KIAA1549: variants seen among roughly 807,000 people sequenced by gnomAD.
The protein encoded by KIAA1549 is UPF0606 protein KIAA1549.
A neutral mutation model predicts 156.4 loss-of-function variants in KIAA1549; 70 were observed. The observed-to-expected ratio is 0.45, with a 90% CI of 0.37 to 0.55. The LOEUF is 0.55. Among genes scored for constraint, KIAA1549 ranks in the 20% least tolerant of loss-of-function variants. The pLI, the probability that KIAA1549 is intolerant of heterozygous loss-of-function variation, is 0.00. For missense variants in KIAA1549, 2,428 were observed against 2,540.9 expected (o/e 0.96, Z 0.96); for synonymous variants, 1,103 against 1,066.4 (o/e 1.03, Z -0.67).
chr7:138,881,195 C>G (rs970689385), intron 11 of KIAA1549, among the ~76,000 whole-genome samples, 193 bp downstream of exon 11: 2 of 152,120 alleles, frequency 1.3e-5, no homozygotes, highest in Non-Finnish European at 2.9e-5. Flanking sequence ...ATCACACAGC[C>G]TTCTTTGGCA....
intron 8 of KIAA1549, among the ~76,000 whole-genome samples, chr7:138,900,976 T>C (rs539980429): frequency 6.6e-6 from 1 of 152,350 alleles, no homozygotes; most frequent in African/African-American, 2.4e-5. Context: ...CCAGGCAGAA[T>C]GTAAGCCAAG....
In KIAA1549 at chr7:138,905,039, G is replaced by T; in HGVS notation, c.3503C>A (p.Ser1168Tyr). The T allele has an allele frequency of 1.3e-6, 2 of 1,575,436 alleles. No individual in the cohort carries two copies. ...AAACATACCTGTTCTGACCCAAGAGGACTTCAGCAACTGAGATAAGTTGAG... is the reference window on the plus strand; with the variant it reads ...AAACATACCTGTTCTGACCCAAGAGTACTTCAGCAACTGAGATAAGTTGAG... Reference protein sequence around the residue: ...PQLNLSQLLKSSWVRTVLLGV... With the variant: ...PQLNLSQLLKYSWVRTVLLGV... The change falls in exon 7 of 20, where the codon TCC becomes TAC. Residue 1168 changes from serine to tyrosine, a missense_variant. Transcript: ENST00000422774.
chr7:138,917,432 C>T lies in KIAA1549; in HGVS notation c.2194G>A (p.Ala732Thr). ...FPSDSLEFVE[A>T]STVSLTDSEA... The stretch of plus-strand genomic sequence containing the variant: ...GAATCCGTCAGTGAAACCGTAGACG[C>T]TTCAACAAACTCGAGAGAATCAGAA... Residue 732 changes from alanine (A) to threonine (T), a missense_variant, in exon 2 of 20, where the codon GCG becomes ACG. Ala to Thr is a moderately conservative substitution (Grantham distance 58, BLOSUM62 0). Around this residue, in one of 5 missense-constraint regions of KIAA1549, gnomAD observed 762 missense variants for 901.6 expected, o/e 0.85. Transcript: ENST00000422774. 2 of 1,613,950 alleles carry T rather than the reference C, an allele frequency of 1.2e-6. No individual in the cohort carries two copies. The highest frequency in any genetic ancestry group is 1.7e-6 in the Non-Finnish European group (2 of 1,179,886).
Position 138,831,523 on chromosome 7 carries a change from A to C in KIAA1549, c.*6383T>G, listed in dbSNP as rs1563038932. ...CATTAGAAAACAGTGCAGCTATTGA[A>C]GGATAGAAACATAAAACCGACAAAT... On this transcript the variant is annotated 3_prime_UTR_variant, in exon 20 of 20. Transcript: ENST00000422774. 1 of 220,504 alleles carries C rather than the reference A, an allele frequency of 4.5e-6. No individual in the cohort carries two copies. The highest frequency in any genetic ancestry group is 2.2e-5 in the African/African-American group (1 of 44,652). The allele number at this position is 220,504 out of a possible 1,614,324, so 13.7% of individuals were successfully genotyped here. A position where few individuals can be genotyped will look rare whatever the true frequency, so the allele number is the denominator to read the frequency against.
At chr7:138,868,969 G>C (rs1810836946) in intron 14 of KIAA1549, among the ~76,000 whole-genome samples, 1 of 152,210 alleles carries the variant, frequency 6.6e-6, no homozygotes, top group African/African-American at 2.4e-5. Context: ...CTCAGGTTTT[G>C]AGTAGAGAAA....
At chr7:138,916,654 C>A in intron 2 of KIAA1549, 94 bp downstream of exon 2, 1 of 1,536,782 alleles carries the variant, frequency 6.5e-7, no homozygotes, top group Non-Finnish European at 8.7e-7. Context: ...CGCCTCTGCT[C>A]TTAACCATGA....
At position 138,880,480 on chromosome 7, in the gene KIAA1549, T is replaced by G. The variant is rs60867057; in HGVS notation, c.4230-827A>C. ...TGTTCTGACATCTATTACACTCTTATAACTAGGCCAGAACCCCTGGGGTAG... is the reference window on the plus strand; with the variant it reads ...TGTTCTGACATCTATTACACTCTTAGAACTAGGCCAGAACCCCTGGGGTAG... On this transcript the variant is annotated intron_variant, in intron 11 of 19. Transcript: ENST00000422774. Among the ~76,000 whole-genome samples, 636 of 152,352 alleles carry G rather than the reference T, an allele frequency of 4.2e-3. 7 individuals are homozygous for G. Among genetic ancestry groups the G allele is most frequent in the African/African-American group, 0.015 (615 of 41,582 alleles).
At chr7:138,920,715 C>A (rs578013780) in intron 1 of KIAA1549, among the ~76,000 whole-genome samples, 1 of 152,324 alleles carries the variant, frequency 6.6e-6, no homozygotes, top group East Asian at 1.9e-4. Flanking sequence ...GCAGCCCAGG[C>A]TGAGAACTGA....
At chr7:138,888,562 G>A (rs967888001) in intron 10 of KIAA1549, among the ~76,000 whole-genome samples, 8 of 152,170 alleles carry the variant, frequency 5.3e-5, no homozygotes, top group African/African-American at 1.9e-4. Context: ...TCATCTATGT[G>A]TCTTTTCTAA....
intron 19 of KIAA1549, among the ~76,000 whole-genome samples, chr7:138,838,982 T>C (rs997835760): frequency 9.2e-5 from 14 of 152,202 alleles, no homozygotes; most frequent in African/African-American, 3.1e-4. Flanking sequence ...CTGGCCAACA[T>C]AGTGAGACCT....
intron 1 of KIAA1549, among the ~76,000 whole-genome samples, chr7:138,972,637 C>T (rs779640882): frequency 6.6e-5 from 10 of 151,974 alleles, no homozygotes; most frequent in Non-Finnish European, 1.5e-4. Context: ...ACCACAGATA[C>T]CCCCATTACC....
chr7:138,918,980 T>C lies in KIAA1549; in HGVS notation c.646A>G (p.Thr216Ala). The C allele has an allele frequency of 2.5e-6, 4 of 1,613,956 alleles. No individual in the cohort carries two copies. Among genetic ancestry groups the C allele is most frequent in the South Asian group, 1.1e-5 (1 of 91,076 alleles). The change falls in exon 2 of 20, where the codon ACG becomes GCG. Residue 216 changes from threonine to alanine, a missense_variant. Around this residue, in one of 5 missense-constraint regions of KIAA1549, gnomAD observed 893 missense variants for 847.9 expected, o/e 1.05. Coordinates refer to ENST00000422774, the MANE Select transcript of KIAA1549 (RefSeq NM_001164665.2). The surrounding 1 kb of genome is among the most constrained non-coding windows in gnomAD (Gnocchi z 4.2). ...EEVTSGWQNT[T>A]RQPAAYAESA... Reference sequence around the variant, plus strand: ...TCAGCATATGCCGCTGGTTGTCGCGTTGTGTTCTGCCAGCCCGATGTCACT... The same window carrying C: ...TCAGCATATGCCGCTGGTTGTCGCGCTGTGTTCTGCCAGCCCGATGTCACT...
rs2130442442 is a variant in KIAA1549, at chr7:138,899,016, T to C, written c.3786A>G (p.Lys1262=). 6.2e-7 allele frequency: 1 copy of C among 1,613,874 alleles called. No homozygotes were observed. Among genetic ancestry groups the C allele is most frequent in the Non-Finnish European group, 8.5e-7 (1 of 1,179,786 alleles). ...TGATGGCTGCTCTCTGGAGGTCCAT[T>C]TTGTTAATCAGGTCCGAAGACTTGA... ...SAVKSSDLIN[K]MDLQRAAIIL... The change falls in exon 9 of 20, where the codon AAA becomes AAG. Residue 1262 remains lysine (K), a synonymous_variant. Transcript: ENST00000422774.
At chr7:138,924,192 T>TTC (rs1257074786) in intron 1 of KIAA1549, among the ~76,000 whole-genome samples, 10 of 148,180 alleles carry the variant, frequency 6.7e-5, no homozygotes, top group Non-Finnish European at 1.0e-4. Context: ...CTTTTTTTTT[T>TTC]TTCTTTTTTT....
At chr7:138,875,014 T>C (rs964389614) in intron 12 of KIAA1549, among the ~76,000 whole-genome samples, 2 of 151,814 alleles carry the variant, frequency 1.3e-5, no homozygotes, top group Non-Finnish European at 2.9e-5. Context: ...AAAATAAAAG[T>C]GCACAGCTAG....
intron 9 of KIAA1549, among the ~76,000 whole-genome samples, chr7:138,898,039 C>T (rs1283357731): frequency 6.6e-6 from 1 of 151,694 alleles, no homozygotes; most frequent in Non-Finnish European, 1.5e-5. Context: ...GGTGCAGTGG[C>T]TCACACCTGC....
chr7:138,835,227 G>A lies in KIAA1549; in HGVS notation c.*2679C>T, dbSNP rs1171308676. 9.3e-6 allele frequency: 2 copies of A among 215,146 alleles called. No homozygotes were observed. The highest frequency in any genetic ancestry group is 4.5e-5 in the African/African-American group (2 of 44,296). 13.3% of individuals were successfully genotyped at this position (215,146 alleles called of 1,614,324 possible). A position where few individuals can be genotyped will look rare whatever the true frequency, so the allele number is the denominator to read the frequency against. ...ACACAGCTAGTTTTTTCTGAGTTTG[G>A]TGACTGGCAAAACTGTTGTGGCAGG... On this transcript the variant is annotated 3_prime_UTR_variant, in exon 20 of 20. Transcript: ENST00000422774.
chr7:138,978,057 G>A (rs1389410052), intron 1 of KIAA1549, among the ~76,000 whole-genome samples: 1 of 152,036 alleles, frequency 6.6e-6, no homozygotes, highest in Non-Finnish European at 1.5e-5. Flanking sequence ...CCCAAAAAAT[G>A]GAAATAAAAG....
In KIAA1549 at chr7:138,837,741, C is replaced by T. The variant is rs1809765398; in HGVS notation, c.*165G>A. The T allele has an allele frequency of 5.9e-6, 4 of 680,870 alleles. No individual in the cohort carries two copies. The highest frequency in any genetic ancestry group is 3.1e-5 in the Admixed American group (1 of 32,764). 42.2% of individuals were successfully genotyped at this position (680,870 alleles called of 1,614,324 possible). The stretch of plus-strand genomic sequence containing the variant: ...GCCAGCCCAGTGAAAGGCTCATGAG[C>T]TGTCACACGACGTATGGCATCTTCT... On this transcript the variant is annotated 3_prime_UTR_variant, in exon 20 of 20. Coordinates refer to ENST00000422774, the MANE Select transcript of KIAA1549 (RefSeq NM_001164665.2).
Sources: allele counts gnomAD v4.1 joint callset (sites outside exome capture counted in the v4.1 genomes callset), GRCh38; gene constraint gnomAD v4.1.1; regional missense constraint gnomAD v4.1.1; non-coding constraint Gnocchi (gnomAD v3.1); transcripts MANE v1.5; gene names NCBI Gene and HGNC (gene_info 2026-07-23, HGNC 2026-07-21).